THSD7B: variants seen among roughly 807,000 people sequenced by gnomAD.
The protein encoded by THSD7B is thrombospondin type-1 domain-containing protein 7B.
THSD7B carries 138 observed loss-of-function variants against 213.6 expected under a neutral mutation model. The observed-to-expected ratio is 0.65, with a 90% CI of 0.56 to 0.74. THSD7B has a LOEUF of 0.74. Among genes scored for constraint, THSD7B ranks in the 30% least tolerant of loss-of-function variants. The pLI is 0.00. For missense variants in THSD7B, 1,931 were observed against 1,991.5 expected (o/e 0.97, Z 0.58); for synonymous variants, 742 against 687.0 (o/e 1.08, Z -1.25).
intron 2 of THSD7B, among the ~76,000 whole-genome samples, chr2:136,898,040 C>A (rs909548659): frequency 1.3e-5 from 2 of 152,122 alleles, no homozygotes; most frequent in Admixed American, 6.5e-5. Context: ...CTGATTGGTG[C>A]GTTTACAATC....
At chr2:136,929,463 G>T (rs1161550789) in intron 2 of THSD7B, among the ~76,000 whole-genome samples, 2 of 152,082 alleles carry the variant, frequency 1.3e-5, no homozygotes, top group African/African-American at 4.8e-5. Flanking sequence ...ACTTCAAAAT[G>T]TCAGGTCTTT....
intron 6 of THSD7B, among the ~76,000 whole-genome samples, chr2:137,165,762 TAC>T (rs10582774): frequency 0.87 from 130,490 of 149,678 alleles, 57,165 homozygotes; most frequent in East Asian, 0.99. Context: ...TCTTAAAAAA[TAC>T]ACACACACAC....
intron 15 of THSD7B, among the ~76,000 whole-genome samples, chr2:137,497,879 G>C (rs981926275): frequency 1.3e-5 from 2 of 152,016 alleles, no homozygotes; most frequent in African/African-American, 4.8e-5. Context: ...TGGAGTGCTT[G>C]TTTCTTTTAA....
intron 1 of THSD7B, among the ~76,000 whole-genome samples, chr2:136,828,602 TA>T (rs1452780663): frequency 2.0e-5 from 3 of 152,256 alleles, no homozygotes; most frequent in Admixed American, 6.5e-5. Flanking sequence ...GCTTTCCTCT[TA>T]AGCATCATCT....
At chr2:137,034,160 G>A (rs1686728254) in intron 2 of THSD7B, among the ~76,000 whole-genome samples, 1 of 152,084 alleles carries the variant, frequency 6.6e-6, no homozygotes, top group East Asian at 1.9e-4. Flanking sequence ...AGTATTCCAT[G>A]GTGTATATGT....
At chr2:136,901,336 G>A (rs937394340) in intron 2 of THSD7B, among the ~76,000 whole-genome samples, 3 of 152,334 alleles carry the variant, frequency 2.0e-5, no homozygotes, top group South Asian at 2.1e-4. Context: ...GGCCCATGCC[G>A]AAGGAGAACC....
chr2:137,345,455 T>G lies in THSD7B; in HGVS notation c.2501-60158T>G, dbSNP rs565215690. On this transcript the variant is annotated intron_variant, in intron 12 of 27. Coordinates refer to ENST00000409968, the MANE Select transcript of THSD7B (RefSeq NM_001316349.2). ...AAAAAAATAGATATACAAAAACATATGATGCTTTCTAGACATAGACATAGA... is the reference window on the plus strand; with the variant it reads ...AAAAAAATAGATATACAAAAACATAGGATGCTTTCTAGACATAGACATAGA... Among the ~76,000 whole-genome samples the G allele has an allele frequency of 5.5e-4, 83 of 151,752 alleles. No homozygotes were observed. In the Middle Eastern group the frequency reaches 0.024, roughly 44 times the overall value.
intron 15 of THSD7B, among the ~76,000 whole-genome samples, chr2:137,486,785 C>A (rs1377018077): frequency 2.0e-5 from 3 of 152,300 alleles, no homozygotes; most frequent in East Asian, 1.9e-4. Flanking sequence ...GAAATTCTAA[C>A]AAACTGTCTC....
chr2:136,959,594 C>T (rs1342955827), intron 2 of THSD7B, among the ~76,000 whole-genome samples: 1 of 152,040 alleles, frequency 6.6e-6, no homozygotes, highest in Admixed American at 6.6e-5. Flanking sequence ...TCTTGAATTT[C>T]CTTGTTGATT....
At chr2:136,901,216 T>G (rs1446454712) in intron 2 of THSD7B, among the ~76,000 whole-genome samples, 1 of 152,246 alleles carries the variant, frequency 6.6e-6, no homozygotes, top group African/African-American at 2.4e-5. Context: ...ATGTGTCAGA[T>G]GCTGTGCTGT....
Position 137,441,094 on chromosome 2 carries a change from A to G in THSD7B, c.2960-9751A>G, listed in dbSNP as rs180956718. ...ATGTCACAACGAGCTAATTATAAGT[A>G]ATATCCTATCATGTTTCATTATATT... On this transcript the variant is annotated intron_variant, in intron 14 of 27. Transcript: ENST00000409968. Among the ~76,000 whole-genome samples the G allele has an allele frequency of 5.9e-5, 9 of 152,258 alleles. No homozygotes were observed. The East Asian group carries it at 1.7e-3, about 29-fold the overall frequency.
chr2:136,837,042 G>A (rs898108023), intron 1 of THSD7B, among the ~76,000 whole-genome samples: 2 of 152,112 alleles, frequency 1.3e-5, no homozygotes, highest in Non-Finnish European at 2.9e-5. Context: ...ATTAATCCCA[G>A]CAGGTCACTG....
chr2:137,503,588 G>A (rs1679761020), intron 15 of THSD7B, among the ~76,000 whole-genome samples: 1 of 152,156 alleles, frequency 6.6e-6, no homozygotes, highest in Admixed American at 6.5e-5. Context: ...AAACAGCACA[G>A]GCATTGGTGC....
chr2:137,573,356 T>G (rs1458729495), intron 17 of THSD7B, among the ~76,000 whole-genome samples: 1 of 152,088 alleles, frequency 6.6e-6, no homozygotes, highest in East Asian at 1.9e-4. Context: ...TATGAAAATC[T>G]CTGTATGGAA....
chr2:137,071,867 C>T (rs1005457701), intron 3 of THSD7B, among the ~76,000 whole-genome samples: 39 of 152,302 alleles, frequency 2.6e-4, no homozygotes, highest in Admixed American at 3.3e-4. Flanking sequence ...AACAGGGAAT[C>T]CTTTCCCCAT....
chr2:137,655,701 C>G (rs1220478398), intron 22 of THSD7B, 41 bp downstream of exon 22: 2 of 1,578,642 alleles, frequency 1.3e-6, no homozygotes, highest in East Asian at 4.6e-5. Flanking sequence ...CCATGGTGAT[C>G]TTTTTGTTTA....
chr2:137,586,956 G>T (rs988726587), intron 17 of THSD7B, among the ~76,000 whole-genome samples: 1 of 152,182 alleles, frequency 6.6e-6, no homozygotes, highest in Non-Finnish European at 1.5e-5. Flanking sequence ...CATTCTCCCT[G>T]TCACTTTCAG....
intron 2 of THSD7B, among the ~76,000 whole-genome samples, chr2:136,940,493 T>G (rs1423065343): frequency 2.0e-5 from 3 of 151,702 alleles, no homozygotes; most frequent in African/African-American, 4.8e-5. Flanking sequence ...TTTTTTTTCC[T>G]CAATCCTCCC....
At chr2:137,428,230 A>T (rs1687101903) in intron 14 of THSD7B, among the ~76,000 whole-genome samples, 1 of 152,164 alleles carries the variant, frequency 6.6e-6, no homozygotes, top group South Asian at 2.1e-4. Context: ...GTCATTAAGG[A>T]ACTACAGACC....
Sources: gnomAD v4.1 joint callset for allele counts (sites outside exome capture counted in the v4.1 genomes callset) on GRCh38, gnomAD v4.1.1 for gene constraint, MANE v1.5 for transcripts, NCBI Gene and HGNC (gene_info 2026-07-23, HGNC 2026-07-21) for gene names.